The following PHF24 variants were observed in gnomAD, a reference collection of about 807,000 sequenced individuals.
PHF24 encodes the protein Galpha inhibitory interacting protein.
In PHF24, 25 loss-of-function variants were observed where a neutral mutation model predicts 42.6. The ratio of observed to expected loss-of-function variants is 0.59; its 90% CI spans 0.43 to 0.82. PHF24 has a LOEUF of 0.82. Ranked by LOEUF, PHF24 falls within the 40% of genes least tolerant of loss-of-function variation. PHF24 has a pLI of 0.00. For synonymous variants in PHF24, 185 were observed against 204.8 expected (o/e 0.90, Z 0.83); for missense variants, 470 against 538.1 (o/e 0.87, Z 1.25).
the PHF24 span, chr9:34,728,634 T>G: frequency 6.4e-7 from 1 of 1,551,282 alleles, no homozygotes; most frequent in Non-Finnish European, 8.7e-7. Flanking sequence ...CTCTAGCTCT[T>G]TGCCTGACTT....
the PHF24 span, among the ~76,000 whole-genome samples, chr9:34,719,180 G>A: frequency 1.3e-5 from 2 of 152,288 alleles, no homozygotes; most frequent in African/African-American, 4.8e-5. Flanking sequence ...TGGGATTACA[G>A]GTGCACACTA....
chr9:34,860,263 T>C, the PHF24 span, among the ~76,000 whole-genome samples: 1 of 152,238 alleles, frequency 6.6e-6, no homozygotes. Context: ...TTTTGCCTAG[T>C]TTTTTAGTTA....
chr9:34,737,481 C>T, the PHF24 span, among the ~76,000 whole-genome samples: 57,559 of 151,958 alleles, frequency 0.38, 11,208 homozygotes, highest in African/African-American at 0.47. Context: ...TTTTTGGCTA[C>T]CATGAATAAT....
the PHF24 span, among the ~76,000 whole-genome samples, chr9:34,827,959 G>A: frequency 6.6e-6 from 1 of 151,984 alleles, no homozygotes; most frequent in African/African-American, 2.4e-5. Context: ...TCTTCCAAGA[G>A]CACCTGCTGC....
At chr9:34,949,547 G>A in the PHF24 span, among the ~76,000 whole-genome samples, 1 of 152,166 alleles carries the variant, frequency 6.6e-6, no homozygotes, top group South Asian at 2.1e-4. Context: ...GACACATGCA[G>A]ATGTATGTTC....
the PHF24 span, among the ~76,000 whole-genome samples, chr9:34,945,725 A>G: frequency 6.6e-6 from 1 of 152,194 alleles, no homozygotes; most frequent in Non-Finnish European, 1.5e-5. Context: ...ATAACACAGC[A>G]CAAAGGCCCT....
At chr9:34,915,026 C>CTTTTTTTTTTTTTTTT in the PHF24 span, among the ~76,000 whole-genome samples, 29 of 37,426 alleles carry the variant, frequency 7.7e-4, no homozygotes, top group Non-Finnish European at 1.0e-3. Flanking sequence ...TTTTTCTTTT[C>CTTTTTTTTTTTTTTTT]TTTTTTTTTT....
chr9:34,909,644 C>T, the PHF24 span, among the ~76,000 whole-genome samples: 228 of 147,400 alleles, frequency 1.5e-3, no homozygotes, highest in Middle Eastern at 3.5e-3. Flanking sequence ...TTTTTTGAGA[C>T]GGAGTCTCGC....
At chr9:34,841,009 T>C in the PHF24 span, among the ~76,000 whole-genome samples, 1 of 152,016 alleles carries the variant, frequency 6.6e-6, no homozygotes, top group African/African-American at 2.4e-5. Flanking sequence ...ATTTTATTTT[T>C]TATTTTTTGA....
chr9:34,709,268 G>T, the PHF24 span: 1 of 1,153,798 alleles, frequency 8.7e-7, no homozygotes, highest in Non-Finnish European at 1.3e-6. Context: ...GAAAGAGTGT[G>T]GCAAGGCCAG....
chr9:34,947,517 A>G, the PHF24 span, among the ~76,000 whole-genome samples: 1 of 152,188 alleles, frequency 6.6e-6, no homozygotes, highest in Non-Finnish European at 1.5e-5. Context: ...ATGCTGACAT[A>G]CTTTTTATCT....
the PHF24 span, among the ~76,000 whole-genome samples, chr9:34,682,246 C>T: frequency 0.046 from 6,692 of 146,288 alleles, 225 homozygotes; most frequent in South Asian, 0.071. Context: ...TCCCAAAGTG[C>T]AGGGATTACA....
the PHF24 span, among the ~76,000 whole-genome samples, chr9:34,696,663 T>C: frequency 2.0e-5 from 3 of 152,128 alleles, no homozygotes; most frequent in Non-Finnish European, 4.4e-5. Context: ...AAAGGCACTG[T>C]TGGGAAGGCA....
the PHF24 span, among the ~76,000 whole-genome samples, chr9:34,938,480 G>A: frequency 6.6e-6 from 1 of 152,326 alleles, no homozygotes; most frequent in South Asian, 2.1e-4. Context: ...TGCAGAGGCA[G>A]GAAAACAGGA....
the PHF24 span, among the ~76,000 whole-genome samples, chr9:34,754,401 T>C: frequency 1.3e-5 from 2 of 152,014 alleles, no homozygotes; most frequent in Admixed American, 6.6e-5. Flanking sequence ...GACATACCAA[T>C]GGCAAACAGG....
At chr9:34,828,415 C>T in the PHF24 span, among the ~76,000 whole-genome samples, 101 of 152,250 alleles carry the variant, frequency 6.6e-4, no homozygotes, top group African/African-American at 2.0e-3. Context: ...CGTCAACATC[C>T]GGCGTGCTAT....
At chr9:34,809,040 A>AT in the PHF24 span, among the ~76,000 whole-genome samples, 1 of 107,380 alleles carries the variant, frequency 9.3e-6, no homozygotes. This position sits in a 1 kb window ranked among gnomAD's most constrained non-coding sequence, Gnocchi z 4.1. Flanking sequence ...AGTATAATAA[A>AT]AAAAAAAAAT....
At chr9:34,977,493 G>C in intron 6 of PHF24, 53 bp from the exon 7 acceptor site, 4 of 1,523,744 alleles carry the variant, frequency 2.6e-6, no homozygotes, top group Non-Finnish European at 3.6e-6. Flanking sequence ...AGTTTGGGAG[G>C]GGGCAGGCAT....
chr9:34,848,310 C>T, the PHF24 span, among the ~76,000 whole-genome samples: 2 of 151,800 alleles, frequency 1.3e-5, no homozygotes, highest in Non-Finnish European at 2.9e-5. Context: ...GAGTCAACTT[C>T]TTCCTGGTTT....
Sources: gnomAD v4.1 joint callset for allele counts (sites outside exome capture counted in the v4.1 genomes callset) on GRCh38, gnomAD v4.1.1 for gene constraint, Gnocchi (gnomAD v3.1) non-coding constraint, MANE v1.5 for transcripts, NCBI Gene and HGNC (gene_info 2026-07-23, HGNC 2026-07-21) for gene names.